STK3: variants seen among roughly 807,000 people sequenced by gnomAD.
STK3 encodes the protein serine/threonine-protein kinase 3.
STK3 carries 41 observed loss-of-function variants against 58.0 expected under a neutral mutation model. That is an observed-to-expected ratio of 0.71 (90% CI 0.55 to 0.92). The LOEUF is 0.92. STK3 is among the 40% of genes least tolerant of loss of function. The pLI is 0.00. For synonymous variants in STK3, 170 were observed against 191.0 expected (o/e 0.89, Z 0.91); for missense variants, 479 against 602.7 (o/e 0.79, Z 2.15).
intron 1 of STK3, among the ~76,000 whole-genome samples, chr8:98,783,040 A>G (rs1257368597): frequency 6.6e-6 from 1 of 152,022 alleles, no homozygotes; most frequent in Non-Finnish European, 1.5e-5. Flanking sequence ...AGAGAGAGAG[A>G]GAGAGAACCA....
chr8:98,915,275 C>T (rs1463138025), intron 1 of STK3, among the ~76,000 whole-genome samples: 2 of 151,760 alleles, frequency 1.3e-5, no homozygotes, highest in African/African-American at 4.8e-5. Context: ...ACCTCCCGGA[C>T]TATATCTTTC....
intron 4 of STK3, 106 bp downstream of exon 4, chr8:98,749,170 T>C (rs1032582862): frequency 4.8e-6 from 4 of 824,766 alleles, no homozygotes; most frequent in Non-Finnish European, 7.6e-6. Context: ...TAAAACCTTT[T>C]CTTTTTTCAT....
At chr8:98,758,580 C>T (rs1382951825) in intron 3 of STK3, among the ~76,000 whole-genome samples, 4 of 152,124 alleles carry the variant, frequency 2.6e-5, no homozygotes, top group Non-Finnish European at 4.4e-5. Context: ...TTGGAATGGG[C>T]AATGAACACT....
intron 9 of STK3, among the ~76,000 whole-genome samples, chr8:98,528,317 G>A (rs1402996707): frequency 6.6e-6 from 1 of 151,914 alleles, no homozygotes; most frequent in East Asian, 1.9e-4. Flanking sequence ...TGACTAAATA[G>A]GAAATAAATA....
chr8:98,597,924 G>A (rs1209156246), intron 6 of STK3: 9 of 984,920 alleles, frequency 9.1e-6, no homozygotes, highest in Admixed American at 6.2e-5. Flanking sequence ...CAGCTCCACA[G>A]TTGAGGCAGA....
intron 6 of STK3, among the ~76,000 whole-genome samples, chr8:98,686,375 T>C (rs1823999724): frequency 6.6e-6 from 1 of 152,242 alleles, no homozygotes; most frequent in Non-Finnish European, 1.5e-5. Context: ...AGAATATGCA[T>C]TTCTTGCATT....
intron 10 of STK3, among the ~76,000 whole-genome samples, chr8:98,482,279 C>T (rs540901375): frequency 7.2e-5 from 11 of 152,242 alleles, no homozygotes; most frequent in African/African-American, 2.4e-4. Context: ...GCTGTGATTC[C>T]TAAGAACAAC....
intron 6 of STK3, among the ~76,000 whole-genome samples, chr8:98,613,394 A>G (rs1357041674): frequency 1.3e-5 from 2 of 152,250 alleles, no homozygotes; most frequent in Non-Finnish European, 2.9e-5. Flanking sequence ...CACCAAAAAA[A>G]GACATGTCAG....
chr8:98,725,024 C>T (rs1281936796), intron 4 of STK3, among the ~76,000 whole-genome samples: 1 of 152,074 alleles, frequency 6.6e-6, no homozygotes, highest in Non-Finnish European at 1.5e-5. Context: ...ATCCAATGAC[C>T]ACAACACAAA....
chr8:98,790,272 C>T (rs1832727258), intron 1 of STK3, among the ~76,000 whole-genome samples: 1 of 152,068 alleles, frequency 6.6e-6, no homozygotes, highest in African/African-American at 2.4e-5. Context: ...AGTTAAAATC[C>T]TTAACAAAAT....
chr8:98,638,402 T>C (rs1819775487), intron 6 of STK3: 1 of 152,198 alleles, frequency 6.6e-6, no homozygotes. Flanking sequence ...GATACAGTAA[T>C]GAAGATGGAA....
intron 6 of STK3, among the ~76,000 whole-genome samples, chr8:98,703,304 C>G (rs1031105675): frequency 1.3e-5 from 2 of 152,222 alleles, no homozygotes; most frequent in South Asian, 4.1e-4. Flanking sequence ...CTGCCACTGA[C>G]AAGTTATGTC....
chr8:98,597,273 C>A (rs1432399379), intron 6 of STK3: 1 of 985,192 alleles, frequency 1.0e-6, no homozygotes, highest in Non-Finnish European at 1.2e-6. Flanking sequence ...AATGGACTTT[C>A]TGTGGACACA....
In STK3 at chr8:98,428,086, T is replaced by G; in HGVS notation, n.483+6041A>C. ...AGGAGGCTGCGCTCGCACACGCTGC[T>G]GCGCTTCCCCGAGACGCGCCTGGGC... On this transcript the variant is annotated intron_variant and non_coding_transcript_variant, in intron 3 of 3. Coordinates refer to the STK3 transcript ENST00000517832. This position sits in a 1 kb window ranked among gnomAD's most constrained non-coding sequence, Gnocchi z 6.7. 1 of 1,613,814 alleles carries G rather than the reference T, an allele frequency of 6.2e-7. No homozygotes were observed. The highest frequency in any genetic ancestry group is 8.5e-7 in the Non-Finnish European group (1 of 1,179,994).
At chr8:98,375,281 C>A (rs147625634) in intron 2 of STK3, among the ~76,000 whole-genome samples, 1,214 of 84,906 alleles carry the variant, frequency 0.014, 18 homozygotes, top group African/African-American at 0.036. Flanking sequence ...CAAAAAAAAA[C>A]AAAAAAAAAA....
chr8:98,858,343 G>GAGAGAC (rs1836779723), intron 3 of STK3, among the ~76,000 whole-genome samples: 3 of 133,730 alleles, frequency 2.2e-5, no homozygotes, highest in African/African-American at 5.5e-5. Flanking sequence ...GAGAGAGAGA[G>GAGAGAC]AGAGAGAGAG....
At chr8:98,794,422 A>AAG (rs779137636) in intron 1 of STK3, among the ~76,000 whole-genome samples, 2 of 152,234 alleles carry the variant, frequency 1.3e-5, no homozygotes, top group Non-Finnish European at 2.9e-5. Context: ...AACCTAGAGA[A>AAG]AATGGATAAA....
At chr8:98,783,327 G>A (rs1832236454) in intron 1 of STK3, among the ~76,000 whole-genome samples, 1 of 152,148 alleles carries the variant, frequency 6.6e-6, no homozygotes, top group Non-Finnish European at 1.5e-5. Flanking sequence ...TGAGGTGAAG[G>A]ATACCCACTA....
Position 98,428,696 on chromosome 8 carries a change from A to G in STK3, n.483+5431T>C, listed in dbSNP as rs1391617453. Reference sequence around the variant, plus strand: ...AGCACTTTGGCATTGCCTGGTTCACATTTGAGCTGGTGGCCAGGTTTGCTG... The same window carrying G: ...AGCACTTTGGCATTGCCTGGTTCACGTTTGAGCTGGTGGCCAGGTTTGCTG... On this transcript the variant is annotated intron_variant and non_coding_transcript_variant, in intron 3 of 3. Coordinates refer to the STK3 transcript ENST00000517832. This position sits in a 1 kb window ranked among gnomAD's most constrained non-coding sequence, Gnocchi z 6.7. 5 of 1,614,084 alleles carry G rather than the reference A, an allele frequency of 3.1e-6. No homozygotes were observed. Among genetic ancestry groups the G allele is most frequent in the Non-Finnish European group, 4.2e-6 (5 of 1,180,056 alleles).
Sources: allele counts gnomAD v4.1 joint callset (sites outside exome capture counted in the v4.1 genomes callset), GRCh38; gene constraint gnomAD v4.1.1; non-coding constraint Gnocchi (gnomAD v3.1); transcripts MANE v1.5; gene names NCBI Gene and HGNC (gene_info 2026-07-23, HGNC 2026-07-21).